MKLN1: variants seen among roughly 807,000 people sequenced by gnomAD.
MKLN1 encodes muskelin.
Under a neutral mutation model 99.0 loss-of-function variants are expected in MKLN1, and 18 were observed. That is an observed-to-expected ratio of 0.18 (90% CI 0.13 to 0.27). MKLN1 has a LOEUF of 0.27. Among genes scored for constraint, MKLN1 ranks in the 10% least tolerant of loss-of-function variants. The pLI is 1.00. For missense variants in MKLN1, 621 were observed against 875.9 expected (o/e 0.71, Z 3.67); for synonymous variants, 288 against 293.2 (o/e 0.98, Z 0.18).
At chr7:131,138,891 T>C (rs1795690650) in intron 1 of MKLN1, among the ~76,000 whole-genome samples, 1 of 152,222 alleles carries the variant, frequency 6.6e-6, no homozygotes. Context: ...CTAAGTCATC[T>C]GGAATGATTA....
At chr7:131,255,234 G>C (rs1432113914) in intron 3 of MKLN1, among the ~76,000 whole-genome samples, 1 of 151,868 alleles carries the variant, frequency 6.6e-6, no homozygotes, top group Non-Finnish European at 1.5e-5. Context: ...GAACCACTGT[G>C]CCCAAACAGC....
intron 1 of MKLN1, among the ~76,000 whole-genome samples, chr7:131,367,679 C>T (rs1450777510): frequency 2.0e-5 from 3 of 152,096 alleles, no homozygotes; most frequent in Non-Finnish European, 4.4e-5. Context: ...ATTATTCTTA[C>T]CTGGTATCTC....
At chr7:131,262,228 G>A (rs1201992675) in intron 3 of MKLN1, among the ~76,000 whole-genome samples, 1 of 152,112 alleles carries the variant, frequency 6.6e-6, no homozygotes, top group Non-Finnish European at 1.5e-5. Context: ...GAGGTCAAGA[G>A]ATCGAGACCA....
At chr7:131,220,357 G>T (rs1048045349) in intron 3 of MKLN1, among the ~76,000 whole-genome samples, 1 of 152,064 alleles carries the variant, frequency 6.6e-6, no homozygotes, top group Non-Finnish European at 1.5e-5. Context: ...CCTCAAGACG[G>T]TATCAAAGCT....
chr7:131,166,831 G>GC (rs1343275771), intron 2 of MKLN1, among the ~76,000 whole-genome samples: 2 of 152,036 alleles, frequency 1.3e-5, no homozygotes, highest in Non-Finnish European at 2.9e-5. Flanking sequence ...GATTACAGGT[G>GC]CCCACCACCA....
chr7:131,266,769 C>T (rs1425923495), intron 3 of MKLN1, among the ~76,000 whole-genome samples: 2 of 151,730 alleles, frequency 1.3e-5, no homozygotes, highest in Non-Finnish European at 2.9e-5. Flanking sequence ...CTTAAGCTTG[C>T]CTATTCCTCT....
At chr7:131,238,483 T>C (rs1206471141) in intron 3 of MKLN1, among the ~76,000 whole-genome samples, 1 of 152,150 alleles carries the variant, frequency 6.6e-6, no homozygotes, top group Non-Finnish European at 1.5e-5. Context: ...TTGGAGGTCA[T>C]GAGATCACTT....
chr7:131,135,274 C>T (rs575798012), intron 1 of MKLN1, among the ~76,000 whole-genome samples: 1 of 152,302 alleles, frequency 6.6e-6, no homozygotes, highest in African/African-American at 2.4e-5. Context: ...AGGCGCCCAC[C>T]ACCACGCCCG....
At chr7:131,341,485 A>C (rs1471062031) in intron 1 of MKLN1, among the ~76,000 whole-genome samples, 1 of 152,170 alleles carries the variant, frequency 6.6e-6, no homozygotes, top group Non-Finnish European at 1.5e-5. Flanking sequence ...TGTTGTTTTC[A>C]AAGTTTATAT....
At chr7:131,196,951 G>A (rs1400249340) in intron 2 of MKLN1, among the ~76,000 whole-genome samples, 1 of 152,048 alleles carries the variant, frequency 6.6e-6, no homozygotes, top group Non-Finnish European at 1.5e-5. Context: ...TCCAAATGCC[G>A]TGACAAGTCT....
chr7:131,418,736 A>T (rs1418476359), intron 8 of MKLN1, among the ~76,000 whole-genome samples: 14 of 152,266 alleles, frequency 9.2e-5, no homozygotes, highest in Admixed American at 5.9e-4. Context: ...TTGGGAGTTG[A>T]TTTTTATTTA....
chr7:131,251,574 C>T (rs1797579067), intron 3 of MKLN1, among the ~76,000 whole-genome samples: 1 of 152,080 alleles, frequency 6.6e-6, no homozygotes, highest in Non-Finnish European at 1.5e-5. Context: ...GAAGTCAGGA[C>T]CATAAGGCCC....
At chr7:131,440,770 C>A (rs1327029320) in intron 10 of MKLN1, among the ~76,000 whole-genome samples, 1 of 151,604 alleles carries the variant, frequency 6.6e-6, no homozygotes, top group Non-Finnish European at 1.5e-5. Context: ...ATGGAAAAAA[C>A]AAATATTTAT....
intron 10 of MKLN1, among the ~76,000 whole-genome samples, chr7:131,442,767 T>G (rs1039382816): frequency 6.6e-6 from 1 of 152,244 alleles, no homozygotes; most frequent in African/African-American, 2.4e-5. Context: ...AATTTGATTC[T>G]TATTGTCTCG....
chr7:131,189,354 C>T (rs1316575525), intron 2 of MKLN1, among the ~76,000 whole-genome samples: 2 of 152,052 alleles, frequency 1.3e-5, no homozygotes, highest in South Asian at 2.1e-4. Context: ...TTCACTATTA[C>T]CAAACTTGCC....
At chr7:131,110,579 T>C (rs1795178463) in intron 1 of MKLN1, among the ~76,000 whole-genome samples, 1 of 152,178 alleles carries the variant, frequency 6.6e-6, no homozygotes, top group South Asian at 2.1e-4. Flanking sequence ...TGGGTTGTCT[T>C]GTTCAAAACT....
chr7:131,308,336 AC>A (rs1195736620), intron 3 of MKLN1, among the ~76,000 whole-genome samples: 11 of 145,722 alleles, frequency 7.5e-5, no homozygotes, highest in Non-Finnish European at 1.5e-4. Flanking sequence ...ATTTTGGCTC[AC>A]TGCAACCTCC....
At chr7:131,399,202 C>G in intron 5 of MKLN1, 39 bp from the exon 6 acceptor site, 1 of 1,562,910 alleles carries the variant, frequency 6.4e-7, no homozygotes, top group South Asian at 1.1e-5. Flanking sequence ...ATCATCTAAC[C>G]AAATCTCTTC....
At chr7:131,145,402 A>T (rs1795803059) in intron 2 of MKLN1, among the ~76,000 whole-genome samples, 1 of 152,212 alleles carries the variant, frequency 6.6e-6, no homozygotes, top group African/African-American at 2.4e-5. Flanking sequence ...AGCTTTAAAA[A>T]AAAATCAATC....
Sources: allele counts gnomAD v4.1 joint callset (sites outside exome capture counted in the v4.1 genomes callset), GRCh38; gene constraint gnomAD v4.1.1; transcripts MANE v1.5; gene names NCBI Gene and HGNC (gene_info 2026-07-23, HGNC 2026-07-21).